The following TMED10 variants were observed in gnomAD, a reference collection of about 807,000 sequenced individuals.
The protein encoded by TMED10 is transmembrane p24 trafficking protein 10.
Under a neutral mutation model 23.1 loss-of-function variants are expected in TMED10, and 7 were observed. That is an observed-to-expected ratio of 0.30 (90% CI 0.17 to 0.57). The LOEUF (loss-of-function observed/expected upper bound fraction) is 0.57. TMED10 is among the 20% of genes least tolerant of loss of function. TMED10 has a pLI of 0.91. For synonymous variants in TMED10, 113 were observed against 106.9 expected, an observed-to-expected ratio of 1.06 and a Z score of -0.35; for missense variants, 162 against 274.8, an observed-to-expected ratio of 0.59 and a Z score of 2.90.
intron 3 of TMED10, among the ~76,000 whole-genome samples, chr14:75,137,377 A>G (rs143309743): frequency 6.7e-6 from 1 of 149,878 alleles, no homozygotes; most frequent in Non-Finnish European, 1.5e-5. Context: ...GAATTCTTTA[A>G]TAATTCTGTT....
rs1895728336 is a variant in TMED10, at chr14:75,134,852, G to C, written c.*33C>G. 6.2e-7 allele frequency: 1 copy of C among 1,612,352 alleles called. No homozygotes were observed. Among genetic ancestry groups the C allele is most frequent in the East Asian group, 2.2e-5 (1 of 44,798 alleles). The stretch of plus-strand genomic sequence containing the variant: ...GTCCCAGCGATGTTCTGCTGGCTGA[G>C]GTACAAGGTGGGAGGAGAATATGCC... On this transcript the variant is annotated 3_prime_UTR_variant, in exon 5 of 5. Transcript: ENST00000303575.
chr14:75,136,689 TCC>T (rs1167619792), intron 3 of TMED10: 1 of 152,202 alleles, frequency 6.6e-6, no homozygotes, highest in African/African-American at 2.4e-5. Context: ...TTCATATAAA[TCC>T]TACAACAACT....
chr14:75,147,185 G>GT lies in TMED10; in HGVS notation c.411+478dup, dbSNP rs71119349. Among the ~76,000 whole-genome samples the GT allele has an allele frequency of 5.0e-4, 58 of 116,626 alleles. 1 individual carries two copies. The highest frequency in any genetic ancestry group is 2.1e-3 in the African/African-American group (55 of 26,248). 76.5% of individuals were successfully genotyped at this position (116,626 alleles called of 152,430 possible). Reference sequence around the variant, plus strand: ...ACAGCCAGAATTATTCTTCAAGGCTGTTTTTTTTTTTTTTTTTTTTTGAGA... The same window carrying GT: ...ACAGCCAGAATTATTCTTCAAGGCTGTTTTTTTTTTTTTTTTTTTTTTGAGA... On this transcript the variant is annotated intron_variant, in intron 3 of 4. Transcript: ENST00000303575.
At chr14:75,135,516 T>C (rs991243235) in intron 4 of TMED10, 3 of 421,326 alleles carry the variant, frequency 7.1e-6, no homozygotes, top group African/African-American at 6.2e-5. Context: ...ATTGGTGCTA[T>C]CAGTTTGATG....
At chr14:75,158,722 C>G (rs991398121) in intron 1 of TMED10, among the ~76,000 whole-genome samples, 1 of 151,834 alleles carries the variant, frequency 6.6e-6, no homozygotes, top group Non-Finnish European at 1.5e-5. Flanking sequence ...GTCGGGAGTT[C>G]GAGACCAGCC....
Position 75,176,457 on chromosome 14 carries a change from G to A in TMED10, c.123C>T (p.Arg41=), listed in dbSNP as rs763712570. ...TGTGAATCTCCTCACGGAGGCACTT[G>A]CGAGAGTTAATGGGCAGATGGAAGG... is the stretch of plus-strand genomic sequence containing the variant. The part of the protein sequence containing the change: ...AISFHLPINS[R]KCLREEIHKD... The change falls in exon 1 of 5, where the codon CGC becomes CGT. Residue 41 remains arginine, a synonymous_variant. Coordinates refer to ENST00000303575, the MANE Select transcript of TMED10 (RefSeq NM_006827.6). 3 of 1,614,234 alleles carry A rather than the reference G, an allele frequency of 1.9e-6. No homozygotes were observed. In the South Asian group the frequency reaches 3.3e-5, roughly 18 times the overall value.
chr14:75,171,335 C>T (rs1275390024), intron 1 of TMED10, among the ~76,000 whole-genome samples: 3 of 151,270 alleles, frequency 2.0e-5, no homozygotes, highest in Non-Finnish European at 2.9e-5. Flanking sequence ...GCTGGAGTGC[C>T]GTGGCACGAT....
chr14:75,141,554 C>A (rs974461905), intron 3 of TMED10, among the ~76,000 whole-genome samples: 1 of 152,094 alleles, frequency 6.6e-6, no homozygotes, highest in African/African-American at 2.4e-5. Context: ...CCTCGTAACC[C>A]TATAAGGTGA....
In TMED10 at chr14:75,176,360, G is replaced by A. The variant is rs1340941960; in HGVS notation, c.220C>T (p.Leu74Phe). The change falls in exon 1 of 5, where the codon CTC (leucine) becomes TTC (phenylalanine). Residue 74 changes from leucine (L) to phenylalanine (F), a missense_variant. By Grantham distance (22) the Leu-to-Phe change is conservative (BLOSUM62 0). Coordinates refer to ENST00000303575, the MANE Select transcript of TMED10 (RefSeq NM_006827.6). ...CACGTCGCCCAATGCCGCACCTTGA[G>A]GTGGCTGCGCAGGCCGCCAGCGCCC... ...SGGAGGLRSH[L>F]KITDSAGHIL... The A allele has an allele frequency of 6.2e-7, 1 of 1,614,196 alleles. No homozygotes were observed. Among genetic ancestry groups the A allele is most frequent in the Admixed American group, 1.7e-5 (1 of 60,018 alleles).
At chr14:75,172,765 T>C (rs1353114168) in intron 1 of TMED10, among the ~76,000 whole-genome samples, 2 of 152,224 alleles carry the variant, frequency 1.3e-5, no homozygotes, top group Admixed American at 1.3e-4. Flanking sequence ...GCAGTTAAGA[T>C]GACACGTGTG....
chr14:75,138,928 GTAGA>G (rs1185381654), intron 3 of TMED10: 2 of 217,006 alleles, frequency 9.2e-6, no homozygotes, highest in African/African-American at 4.8e-5. Flanking sequence ...GATGGCTTTT[GTAGA>G]TTACAGCCCC....
intron 1 of TMED10, among the ~76,000 whole-genome samples, chr14:75,157,590 C>T (rs1041594066): frequency 6.6e-6 from 1 of 151,948 alleles, no homozygotes; most frequent in Non-Finnish European, 1.5e-5. Context: ...GTCGAGGCTG[C>T]AGTGAGCTGT....
At chr14:75,170,838 G>A (rs558908255) in intron 1 of TMED10, among the ~76,000 whole-genome samples, 22 of 152,192 alleles carry the variant, frequency 1.4e-4, no homozygotes, top group African/African-American at 4.8e-4. Flanking sequence ...AAGGAGTAAC[G>A]GAATTAGAAA....
At chr14:75,147,789 A>T in intron 2 of TMED10, 52 bp from the exon 3 acceptor site, 1 of 1,561,906 alleles carries the variant, frequency 6.4e-7, no homozygotes, top group Non-Finnish European at 8.7e-7. Context: ...AATTCTGGGA[A>T]ATTACCCACC....
Position 75,163,955 on chromosome 14 carries a change from C to T in TMED10, c.226-11812G>A, listed in dbSNP as rs149387950. Among the ~76,000 whole-genome samples, 56 of 152,202 alleles carry T rather than the reference C, an allele frequency of 3.7e-4. 1 individual carries two copies. In the East Asian group the frequency reaches 0.011, roughly 29 times the overall value. ...GAAGATTAAATGTTATACAGGTAAA[C>T]TGCCTGGAACAGTGTTTGTCACATA... is the stretch of plus-strand genomic sequence containing the variant. On this transcript the variant is annotated intron_variant, in intron 1 of 4. Coordinates refer to ENST00000303575, the MANE Select transcript of TMED10 (RefSeq NM_006827.6).
chr14:75,166,313 G>T (rs1005478929), intron 1 of TMED10, among the ~76,000 whole-genome samples: 48 of 152,282 alleles, frequency 3.2e-4, no homozygotes, highest in African/African-American at 1.0e-3. Context: ...TCAGGTCTGT[G>T]GCCAGCTGGC....
intron 1 of TMED10, among the ~76,000 whole-genome samples, chr14:75,164,571 ATATATATTTTT>A (rs1336907585): frequency 1.9e-3 from 4 of 2,108 alleles, no homozygotes; most frequent in African/African-American, 4.1e-3. Context: ...ATATATATAT[ATATATATTTTT>A]TTTTTTTTTT....
intron 1 of TMED10, among the ~76,000 whole-genome samples, chr14:75,168,018 G>C (rs150839807): frequency 2.0e-5 from 3 of 152,220 alleles, no homozygotes; most frequent in Admixed American, 1.3e-4. Context: ...GAAATGAGTA[G>C]GGAAGTATGG....
intron 1 of TMED10, among the ~76,000 whole-genome samples, chr14:75,164,557 A>T (rs1594873623): frequency 1.3e-4 from 2 of 14,844 alleles, no homozygotes; most frequent in African/African-American, 3.4e-4. Flanking sequence ...ATATATATAT[A>T]TATATATATA....
Sources: gnomAD v4.1 joint callset for allele counts (sites outside exome capture counted in the v4.1 genomes callset) on GRCh38, gnomAD v4.1.1 for gene constraint, MANE v1.5 for transcripts, NCBI Gene and HGNC (gene_info 2026-07-23, HGNC 2026-07-21) for gene names.